Variants in SGCZ observed in about 807,000 individuals in gnomAD.
SGCZ encodes the protein zeta-sarcoglycan.
SGCZ carries 40 observed loss-of-function variants against 41.3 expected under a neutral mutation model. The ratio of observed to expected loss-of-function variants is 0.97; its 90% CI spans 0.75 to 1.26. The LOEUF is 1.26. Ranked by LOEUF, SGCZ falls within the 50% of genes most tolerant of loss-of-function variation. The pLI, the probability that SGCZ is intolerant of heterozygous loss-of-function variation, is 0.00. For missense variants in SGCZ, 552 were observed against 369.8 expected (o/e 1.49, Z -4.04); for synonymous variants, 206 against 137.5 (o/e 1.50, Z -3.49).
intron 1 of SGCZ, among the ~76,000 whole-genome samples, chr8:14,960,911 C>A (rs922427072): frequency 6.8e-6 from 1 of 146,544 alleles, no homozygotes; most frequent in Non-Finnish European, 1.5e-5. Flanking sequence ...GGAATATTAT[C>A]TTTCTACTGC....
intron 1 of SGCZ, among the ~76,000 whole-genome samples, chr8:14,864,196 C>T (rs941399666): frequency 4.7e-4 from 72 of 152,210 alleles, no homozygotes; most frequent in African/African-American, 1.6e-3. Flanking sequence ...CTACTGTGCT[C>T]GAAAACATCC....
chr8:15,065,186 C>G (rs1805084660), intron 1 of SGCZ, among the ~76,000 whole-genome samples: 1 of 152,098 alleles, frequency 6.6e-6, no homozygotes, highest in African/African-American at 2.4e-5. Flanking sequence ...CTCCGCTGTG[C>G]CTTGCTACTT....
At chr8:14,790,759 G>A (rs1185422181) in intron 1 of SGCZ, among the ~76,000 whole-genome samples, 3 of 152,232 alleles carry the variant, frequency 2.0e-5, no homozygotes, top group Admixed American at 6.5e-5. Context: ...AGCCAGGAAC[G>A]TTGGCTATCG....
chr8:14,352,708 C>A (rs556571771), intron 2 of SGCZ, among the ~76,000 whole-genome samples: 31 of 152,136 alleles, frequency 2.0e-4, no homozygotes, highest in African/African-American at 7.2e-4. Context: ...TCAACTAGGG[C>A]AAATTCTGAA....
chr8:15,217,140 G>A lies in SGCZ; in HGVS notation c.39+20445C>T, dbSNP rs547663807. On this transcript the variant is annotated intron_variant, in intron 1 of 7. Transcript: ENST00000382080. ...AGTAGAGTTAAGAATTGAACTGGCC[G>A]GGCGCGGTGGCTCACGCCTGTAATC... Among the ~76,000 whole-genome samples, 21 of 152,190 alleles carry A rather than the reference G, an allele frequency of 1.4e-4. No homozygotes were observed. In the South Asian group the frequency reaches 2.9e-3, roughly 21 times the overall value.
chr8:14,355,481 T>C (rs1014745712), intron 2 of SGCZ, among the ~76,000 whole-genome samples: 2 of 152,080 alleles, frequency 1.3e-5, no homozygotes, highest in Admixed American at 6.6e-5. Flanking sequence ...ACTTTTTGAA[T>C]CTCTAGAGAC....
intron 5 of SGCZ, among the ~76,000 whole-genome samples, chr8:14,149,808 G>A (rs889088861): frequency 2.0e-5 from 3 of 152,036 alleles, no homozygotes; most frequent in African/African-American, 7.2e-5. Flanking sequence ...AAAGTAGCAT[G>A]GTATTCTCAT....
At chr8:14,830,060 T>C (rs907128604) in intron 1 of SGCZ, among the ~76,000 whole-genome samples, 2 of 152,216 alleles carry the variant, frequency 1.3e-5, no homozygotes, top group Non-Finnish European at 2.9e-5. Flanking sequence ...TCTGCACGCC[T>C]TGGCCTCCCA....
intron 2 of SGCZ, among the ~76,000 whole-genome samples, chr8:14,514,142 T>C (rs1802544683): frequency 1.3e-5 from 2 of 152,210 alleles, no homozygotes; most frequent in African/African-American, 4.8e-5. Context: ...TATACAGCAG[T>C]GATATTTTAC....
chr8:14,290,648 C>G lies in SGCZ; in HGVS notation c.336+33455G>C, dbSNP rs1800808690. Among the ~76,000 whole-genome samples, 5 of 152,090 alleles carry G rather than the reference C, an allele frequency of 3.3e-5. No homozygotes were observed. The South Asian group carries it at 1.0e-3, about 32-fold the overall frequency. ...AACTTCAATGAGATGTCACCTCACTCAAGTATGAGTGGCTAGTATATAAAA... is the reference window on the plus strand; with the variant it reads ...AACTTCAATGAGATGTCACCTCACTGAAGTATGAGTGGCTAGTATATAAAA... On this transcript the variant is annotated intron_variant, in intron 3 of 7. Coordinates refer to ENST00000382080, the MANE Select transcript of SGCZ (RefSeq NM_139167.4).
rs183014447 is a variant in SGCZ at position 15,047,252 on chromosome 8, G to A, written c.39+190333C>T. ...CTCTTTCACTTAGAAAAAGTACATC[G>A]GATAAAGTTTGACAAAAGGATATAC... is the stretch of plus-strand genomic sequence containing the variant. On this transcript the variant is annotated intron_variant, in intron 1 of 7. Coordinates refer to ENST00000382080, the MANE Select transcript of SGCZ (RefSeq NM_139167.4). Among the ~76,000 whole-genome samples the A allele has an allele frequency of 8.6e-5, 13 of 151,902 alleles. No individual in the cohort carries two copies. The East Asian group carries it at 2.1e-3, about 25-fold the overall frequency.
chr8:14,450,918 T>C (rs1391908836), intron 2 of SGCZ, among the ~76,000 whole-genome samples: 1 of 152,152 alleles, frequency 6.6e-6, no homozygotes, highest in Non-Finnish European at 1.5e-5. Context: ...ACTGAAATCA[T>C]CTTGGGGCAG....
chr8:14,274,301 C>A (rs1349345506), intron 3 of SGCZ, among the ~76,000 whole-genome samples: 2 of 152,092 alleles, frequency 1.3e-5, no homozygotes, highest in Admixed American at 6.6e-5. Flanking sequence ...TCAAGTGAAT[C>A]CAACATCTGA....
chr8:15,191,738 GA>G (rs1800548196), intron 1 of SGCZ, among the ~76,000 whole-genome samples: 1 of 151,756 alleles, frequency 6.6e-6, no homozygotes, highest in Non-Finnish European at 1.5e-5. Flanking sequence ...GCTAGGAATA[GA>G]AGCAGTTGAA....
intron 1 of SGCZ, among the ~76,000 whole-genome samples, chr8:14,950,314 T>A (rs1350376700): frequency 6.6e-6 from 1 of 151,978 alleles, no homozygotes; most frequent in Non-Finnish European, 1.5e-5. Flanking sequence ...ATGTTTTATG[T>A]ATCTCCCTCC....
At chr8:14,678,242 A>G (rs4831302) in intron 1 of SGCZ, among the ~76,000 whole-genome samples, 84,133 of 152,026 alleles carry the variant, frequency 0.55, 24,625 homozygotes, top group East Asian at 0.76. Context: ...GACACTGTCA[A>G]AAGTATGAAA....
chr8:14,576,459 G>C (rs1303328525), intron 1 of SGCZ, among the ~76,000 whole-genome samples: 2 of 152,176 alleles, frequency 1.3e-5, no homozygotes, highest in Non-Finnish European at 2.9e-5. Flanking sequence ...GTAGTGGTAA[G>C]AGTCATGGAG....
chr8:14,496,129 G>A (rs1801981174), intron 2 of SGCZ, among the ~76,000 whole-genome samples: 1 of 98,364 alleles, frequency 1.0e-5, no homozygotes, highest in African/African-American at 3.7e-5. Flanking sequence ...GCAGTGGCGT[G>A]ATCATGGCTC....
chr8:14,355,303 T>A (rs1803254718), intron 2 of SGCZ, among the ~76,000 whole-genome samples: 1 of 152,116 alleles, frequency 6.6e-6, no homozygotes, highest in Non-Finnish European at 1.5e-5. Flanking sequence ...AAAGTCTATA[T>A]TCTCTCTTTT....
Sources: gnomAD v4.1 joint callset for allele counts (sites outside exome capture counted in the v4.1 genomes callset) on GRCh38, gnomAD v4.1.1 for gene constraint, MANE v1.5 for transcripts, NCBI Gene and HGNC (gene_info 2026-07-23, HGNC 2026-07-21) for gene names.